The following DLC1 variants were observed in gnomAD, a reference collection of about 807,000 sequenced individuals.
DLC1 encodes the protein DLC1 Rho GTPase activating protein.
DLC1 carries 54 observed loss-of-function variants against 140.3 expected under a neutral mutation model. That is an observed-to-expected ratio of 0.38 (90% CI 0.31 to 0.48). The LOEUF (loss-of-function observed/expected upper bound fraction) is 0.48. Among genes scored for constraint, DLC1 ranks in the 20% least tolerant of loss-of-function variants. The pLI is 0.96. For missense variants in DLC1, 2,536 were observed against 1,907.0 expected (o/e 1.33, Z -6.14); for synonymous variants, 986 against 728.1 (o/e 1.35, Z -5.70).
At chr8:13,436,820 C>G (rs1839141076) in intron 2 of DLC1, among the ~76,000 whole-genome samples, 1 of 151,994 alleles carries the variant, frequency 6.6e-6, no homozygotes, top group Admixed American at 6.6e-5. Flanking sequence ...AGTTAAAATG[C>G]AAATATTTGA....
chr8:13,513,941 A>C lies in DLC1; in HGVS notation c.-126+661T>G, dbSNP rs912438808. ...AGCAAGCAGTGAATCCAGGAAAATTAATATAAACTAAATTCGATTCCGACA... is the reference window on the plus strand; with the variant it reads ...AGCAAGCAGTGAATCCAGGAAAATTCATATAAACTAAATTCGATTCCGACA... On this transcript the variant is annotated intron_variant, in intron 1 of 17. Transcript: ENST00000276297. 1.2e-4 allele frequency among the ~76,000 whole-genome samples: 18 copies of C among 152,192 alleles called. 2 individuals are homozygous for C. Among genetic ancestry groups the C allele is most frequent in the African/African-American group, 3.6e-4 (15 of 41,454 alleles).
intron 1 of DLC1, among the ~76,000 whole-genome samples, chr8:13,501,686 G>T (rs1021678797): frequency 6.6e-6 from 1 of 152,140 alleles, no homozygotes; most frequent in Admixed American, 6.5e-5. Context: ...TAGTATCCCA[G>T]CCTGACCAAG....
chr8:13,424,836 G>A (rs147261721), intron 2 of DLC1, among the ~76,000 whole-genome samples: 77 of 152,220 alleles, frequency 5.1e-4, no homozygotes, highest in African/African-American at 1.8e-3. Flanking sequence ...GCCTCCCAAA[G>A]TGCTGGGATT....
chr8:13,228,563 C>A (rs1010511151), intron 5 of DLC1, among the ~76,000 whole-genome samples: 2 of 151,932 alleles, frequency 1.3e-5, no homozygotes, highest in Non-Finnish European at 2.9e-5. Context: ...AAGCAAGACC[C>A]TGTCTCTACA....
chr8:13,309,086 G>A (rs1832567628), intron 4 of DLC1, among the ~76,000 whole-genome samples: 2 of 152,014 alleles, frequency 1.3e-5, no homozygotes, highest in African/African-American at 4.8e-5. Flanking sequence ...TCCAATAAAA[G>A]GCATATTTTT....
At chr8:13,541,575 G>T (rs1439346828) in intron 1 of DLC1, among the ~76,000 whole-genome samples, 1 of 152,018 alleles carries the variant, frequency 6.6e-6, no homozygotes, top group East Asian at 1.9e-4. Context: ...ATTGAGCCGG[G>T]GTCTCACTCT....
At chr8:13,237,266 T>A (rs148630054) in intron 5 of DLC1, among the ~76,000 whole-genome samples, 5 of 144,676 alleles carry the variant, frequency 3.5e-5, no homozygotes, top group African/African-American at 1.3e-4. Flanking sequence ...TATATGTGAG[T>A]ATATAGGTGT....
intron 4 of DLC1, among the ~76,000 whole-genome samples, chr8:13,390,964 G>A (rs1176960110): frequency 1.5e-5 from 2 of 130,698 alleles, no homozygotes; most frequent in East Asian, 2.1e-4. Flanking sequence ...CAGCCTGGGC[G>A]ACAGAGCGAG....
At chr8:13,596,989 CGTTT>C (rs1378602154) in intron 1 of DLC1, among the ~76,000 whole-genome samples, 5 of 151,554 alleles carry the variant, frequency 3.3e-5, no homozygotes, top group Non-Finnish European at 7.4e-5. Context: ...TTTCTATGTT[CGTTT>C]GTTTGAAGGA....
At chr8:13,559,089 A>T (rs1246812482) in intron 1 of DLC1, 1 of 152,266 alleles carries the variant, frequency 6.6e-6, no homozygotes, top group South Asian at 2.1e-4. Flanking sequence ...GCTAGCCAGA[A>T]CAAAAGCTCA....
chr8:13,122,678 T>C (rs1821197715), intron 5 of DLC1, among the ~76,000 whole-genome samples: 1 of 151,992 alleles, frequency 6.6e-6, no homozygotes. Context: ...ACAGCAGACT[T>C]CATATATTAA....
chr8:13,550,509 G>T (rs1165726998), intron 1 of DLC1, among the ~76,000 whole-genome samples: 1 of 152,076 alleles, frequency 6.6e-6, no homozygotes, highest in Non-Finnish European at 1.5e-5. Context: ...AATTTTAAAA[G>T]TCAAAAGGAA....
At chr8:13,590,325 A>T (rs1346440614) in intron 1 of DLC1, among the ~76,000 whole-genome samples, 1 of 151,944 alleles carries the variant, frequency 6.6e-6, no homozygotes, top group African/African-American at 2.4e-5. Flanking sequence ...CAGCTATTGT[A>T]CAGATATATC....
At chr8:13,480,450 T>C in intron 2 of DLC1, among the ~76,000 whole-genome samples, 1 of 152,186 alleles carries the variant, frequency 6.6e-6, no homozygotes, top group East Asian at 1.9e-4. Flanking sequence ...CTTTTAAAGA[T>C]AGACTATATC....
intron 4 of DLC1, among the ~76,000 whole-genome samples, chr8:13,317,000 TG>T (rs1832885342): frequency 6.6e-6 from 1 of 152,176 alleles, no homozygotes; most frequent in Admixed American, 6.5e-5. Context: ...TCTTCCTATG[TG>T]GAGAGTTATG....
chr8:13,526,544 A>T lies in DLC1; in HGVS notation c.-125-26348T>A, dbSNP rs557325081. Reference sequence around the variant, plus strand: ...TTGTCAGAATTATCTCTAGTACTTTATATTTTGAAGACTATTGTAAATGTA... The same window carrying T: ...TTGTCAGAATTATCTCTAGTACTTTTTATTTTGAAGACTATTGTAAATGTA... On this transcript the variant is annotated intron_variant, in intron 1 of 1. Transcript: ENST00000631382. 2.2e-4 allele frequency among the ~76,000 whole-genome samples: 34 copies of T among 152,284 alleles called. No individual in the cohort carries two copies. In the South Asian group the frequency reaches 6.8e-3, roughly 31 times the overall value.
At chr8:13,392,009 G>T (rs1836785258) in intron 4 of DLC1, among the ~76,000 whole-genome samples, 1 of 151,890 alleles carries the variant, frequency 6.6e-6, no homozygotes, top group Admixed American at 6.6e-5. Context: ...ATGGTAAAAT[G>T]AGATCTTCCA....
At position 13,110,828 on chromosome 8, in the gene DLC1, G is replaced by C. The variant is rs772228141; in HGVS notation, c.1421-5C>G. The C allele has an allele frequency of 2.0e-5, 33 of 1,613,534 alleles. No individual in the cohort carries two copies. The East Asian group carries it at 7.4e-4, about 36-fold the overall frequency. On this transcript the variant is annotated splice_region_variant and splice_polypyrimidine_tract_variant and intron_variant, in intron 6 of 17. Coordinates refer to ENST00000276297, the MANE Select transcript of DLC1 (RefSeq NM_182643.3). ...TATCGATGGGGAACAGGAAATCTATGAGAAAAATAAACAGATGTATTTGTT... is the reference window on the plus strand; with the variant it reads ...TATCGATGGGGAACAGGAAATCTATCAGAAAAATAAACAGATGTATTTGTT...
chr8:13,139,583 C>T (rs1822823043), intron 5 of DLC1, among the ~76,000 whole-genome samples: 1 of 152,158 alleles, frequency 6.6e-6, no homozygotes, highest in Non-Finnish European at 1.5e-5. Flanking sequence ...AATTCTTAGT[C>T]CTGATTTGAT....
Sources: gnomAD v4.1 joint callset for allele counts (sites outside exome capture counted in the v4.1 genomes callset) on GRCh38, gnomAD v4.1.1 for gene constraint, MANE v1.5 for transcripts, NCBI Gene and HGNC (gene_info 2026-07-23, HGNC 2026-07-21) for gene names.